The following DGKB variants were observed in gnomAD, a reference collection of about 807,000 sequenced individuals.
The protein encoded by DGKB is 90 kDa diacylglycerol kinase.
DGKB carries 67 observed loss-of-function variants against 114.3 expected under a neutral mutation model. The ratio of observed to expected loss-of-function variants is 0.59; its 90% CI spans 0.48 to 0.72. DGKB has a LOEUF of 0.72. Among genes scored for constraint, DGKB ranks in the 30% least tolerant of loss-of-function variants. DGKB has a pLI of 0.00. For missense variants in DGKB, 907 were observed against 975.2 expected (o/e 0.93, Z 0.93); for synonymous variants, 398 against 323.1 (o/e 1.23, Z -2.49).
chr7:14,184,624 G>C (rs1436387761), intron 23 of DGKB, among the ~76,000 whole-genome samples: 1 of 151,940 alleles, frequency 6.6e-6, no homozygotes, highest in Non-Finnish European at 1.5e-5. Context: ...GCTGCAGCAA[G>C]ACCCACCCAA....
chr7:14,781,155 T>G (rs1251378116), intron 2 of DGKB, among the ~76,000 whole-genome samples: 1 of 152,232 alleles, frequency 6.6e-6, no homozygotes, highest in African/African-American at 2.4e-5. Flanking sequence ...AGGTAACGTT[T>G]CCCTTAAGAT....
At chr7:14,392,304 C>A (rs1384171980) in intron 21 of DGKB, among the ~76,000 whole-genome samples, 1 of 152,020 alleles carries the variant, frequency 6.6e-6, no homozygotes, top group Non-Finnish European at 1.5e-5. Context: ...AGGTTATAGC[C>A]TTTATCTGGG....
At chr7:14,649,529 T>C (rs4355676) in intron 13 of DGKB, among the ~76,000 whole-genome samples, 106,351 of 151,798 alleles carry the variant, frequency 0.7, 37,501 homozygotes, top group East Asian at 0.79. Context: ...CGGTACCAGT[T>C]GCTGCAAAAT....
rs115165328 is a variant in DGKB at position 14,215,064 on chromosome 7, C to G, written c.2123-36913G>C. ...TGATCTGTAAGTACCTACACTCATC[C>G]TGATGGCAAATGAACAGACAAAAGC... On this transcript the variant is annotated intron_variant, in intron 23 of 25. Transcript: ENST00000402815. 7.8e-3 allele frequency among the ~76,000 whole-genome samples: 1,194 copies of G among 152,244 alleles called. 21 individuals carry two copies. Among genetic ancestry groups the G allele is most frequent in the African/African-American group, 0.028 (1,154 of 41,556 alleles).
chr7:14,558,207 A>C (rs1796146229), intron 20 of DGKB, among the ~76,000 whole-genome samples: 1 of 151,192 alleles, frequency 6.6e-6, no homozygotes, highest in Non-Finnish European at 1.5e-5. Context: ...ATAGAGGATG[A>C]CTATATCATA....
intron 13 of DGKB, among the ~76,000 whole-genome samples, chr7:14,646,836 A>G (rs1026487524): frequency 1.4e-4 from 21 of 152,000 alleles, no homozygotes; most frequent in African/African-American, 4.6e-4. Context: ...AAGTGCTAAG[A>G]GGGAAGATTA....
At chr7:14,807,625 A>G (rs1842933590) in intron 2 of DGKB, among the ~76,000 whole-genome samples, 1 of 152,036 alleles carries the variant, frequency 6.6e-6, no homozygotes, top group African/African-American at 2.4e-5. Context: ...AACGACGTAG[A>G]AAGAGATAGA....
intron 20 of DGKB, among the ~76,000 whole-genome samples, chr7:14,536,408 A>G (rs959979780): frequency 2.6e-5 from 4 of 152,328 alleles, no homozygotes; most frequent in African/African-American, 9.6e-5. Flanking sequence ...TGCAAAAATC[A>G]TCAATAAAAT....
chr7:14,213,908 A>G, intron 23 of DGKB, among the ~76,000 whole-genome samples: 1 of 152,150 alleles, frequency 6.6e-6, no homozygotes, highest in Admixed American at 6.6e-5. Context: ...ATAAAAGAAA[A>G]AAGGTATCTT....
Position 14,923,757 on chromosome 7 carries a change from G to A in DGKB, c.-188+50939C>T, listed in dbSNP as rs981745018. Among the ~76,000 whole-genome samples, 6 of 151,866 alleles carry A rather than the reference G, an allele frequency of 4.0e-5. No homozygotes were observed. The South Asian group carries it at 6.2e-4, about 16-fold the overall frequency. ...TGCCTGTGATCCCAGCACTTTTGGCGGCCAAGGCGGGCGAATCACCTGAGG... is the reference window on the plus strand; with the variant it reads ...TGCCTGTGATCCCAGCACTTTTGGCAGCCAAGGCGGGCGAATCACCTGAGG... On this transcript the variant is annotated intron_variant, in intron 1 of 4. Coordinates refer to the DGKB transcript ENST00000437998.
chr7:14,609,816 A>G (rs1335082941), intron 16 of DGKB, among the ~76,000 whole-genome samples: 1 of 152,098 alleles, frequency 6.6e-6, no homozygotes, highest in African/African-American at 2.4e-5. Flanking sequence ...TAAAACCACA[A>G]TAAAACACCA....
intron 2 of DGKB, among the ~76,000 whole-genome samples, chr7:14,785,445 A>C (rs1039716904): frequency 6.6e-6 from 1 of 152,140 alleles, no homozygotes; most frequent in Admixed American, 6.5e-5. Flanking sequence ...ACATGTATGT[A>C]TATACATGTA....
chr7:14,827,287 A>C (rs923412105), intron 2 of DGKB, among the ~76,000 whole-genome samples: 8 of 152,142 alleles, frequency 5.3e-5, no homozygotes, highest in Non-Finnish European at 7.4e-5. Flanking sequence ...ATAAGGCATT[A>C]CCCAGAATTT....
chr7:14,291,918 A>G (rs1042436904), intron 23 of DGKB, among the ~76,000 whole-genome samples: 5 of 152,156 alleles, frequency 3.3e-5, no homozygotes, highest in Non-Finnish European at 7.3e-5. Context: ...AGGAGGTAAT[A>G]TCAGGAGTTT....
intron 21 of DGKB, among the ~76,000 whole-genome samples, chr7:14,397,366 G>A (rs1436408030): frequency 6.6e-6 from 1 of 152,110 alleles, no homozygotes; most frequent in Non-Finnish European, 1.5e-5. Flanking sequence ...GAGAATAGAA[G>A]TACTAGTGCA....
intron 23 of DGKB, among the ~76,000 whole-genome samples, chr7:14,228,875 G>GT (rs200211403): frequency 0.022 from 1,948 of 90,024 alleles, 18 homozygotes; most frequent in Middle Eastern, 0.063. Context: ...CCTAGCATCA[G>GT]TTTTTTTTCT....
intron 13 of DGKB, among the ~76,000 whole-genome samples, chr7:14,656,314 A>ATT (rs760767364): frequency 6.6e-6 from 1 of 151,656 alleles, no homozygotes; most frequent in Non-Finnish European, 1.5e-5. Flanking sequence ...CCTTCTAGAT[A>ATT]TTATATAGAC....
At chr7:14,383,480 T>C (rs1397895988) in intron 21 of DGKB, among the ~76,000 whole-genome samples, 4 of 152,288 alleles carry the variant, frequency 2.6e-5, no homozygotes, top group African/African-American at 9.6e-5. Context: ...TTAGAGTAAG[T>C]CAGGAAGTGT....
intron 2 of DGKB, among the ~76,000 whole-genome samples, chr7:14,761,902 C>G (rs61058262): frequency 6.6e-6 from 1 of 152,068 alleles, no homozygotes; most frequent in Non-Finnish European, 1.5e-5. Flanking sequence ...TGGACAGATG[C>G]GCAGCACAAA....
Sources: allele counts gnomAD v4.1 joint callset (sites outside exome capture counted in the v4.1 genomes callset), GRCh38; gene constraint gnomAD v4.1.1; transcripts MANE v1.5; gene names NCBI Gene and HGNC (gene_info 2026-07-23, HGNC 2026-07-21).